The following EFCAB7 variants were observed in gnomAD, a reference collection of about 807,000 sequenced individuals.
EFCAB7 encodes the protein EF-hand calcium binding domain 7.
Under a neutral mutation model 77.1 loss-of-function variants are expected in EFCAB7, and 66 were observed. That is an observed-to-expected ratio of 0.86 (90% CI 0.70 to 1.05). The LOEUF is 1.05. Ranked by LOEUF, EFCAB7 falls within the 50% of genes least tolerant of loss-of-function variation. The probability of loss-of-function intolerance (pLI) is 0.00; values close to 1 mark genes in which losing one functional copy is unlikely to be tolerated. For synonymous variants in EFCAB7, 225 were observed against 243.3 expected, an observed-to-expected ratio of 0.92 and a Z score of 0.70; for missense variants, 638 against 730.5, an observed-to-expected ratio of 0.87 and a Z score of 1.46.
chr1:63,544,706 C>T (rs768684907), intron 6 of EFCAB7, among the ~76,000 whole-genome samples: 85 of 152,116 alleles, frequency 5.6e-4, no homozygotes, highest in Admixed American at 7.9e-4. Flanking sequence ...CCACCGCTCC[C>T]GGCCAGCTGT....
intron 6 of EFCAB7, among the ~76,000 whole-genome samples, chr1:63,537,862 C>G (rs1452531711): frequency 1.3e-5 from 2 of 152,112 alleles, no homozygotes; most frequent in Non-Finnish European, 2.9e-5. Flanking sequence ...TATGGCAGAT[C>G]TACTGCTTAA....
chr1:63,576,850 A>G (rs543307011), downstream of EFCAB7, among the ~76,000 whole-genome samples: 5 of 145,316 alleles, frequency 3.4e-5, no homozygotes, highest in Admixed American at 2.1e-4. Context: ...AAATAAATAA[A>G]TAATAATAAG....
intron 10 of EFCAB7, among the ~76,000 whole-genome samples, chr1:63,560,752 G>T (rs1040014902): frequency 6.6e-6 from 1 of 151,944 alleles, no homozygotes; most frequent in African/African-American, 2.4e-5. Context: ...GAACTCCTGA[G>T]CTCAGGCTAT....
chr1:63,546,375 T>A (rs1166789103), intron 7 of EFCAB7, among the ~76,000 whole-genome samples: 1 of 152,168 alleles, frequency 6.6e-6, no homozygotes, highest in Non-Finnish European at 1.5e-5. Flanking sequence ...CTAACTTTTT[T>A]TTTTTTTGAG....
intron 6 of EFCAB7, among the ~76,000 whole-genome samples, chr1:63,541,417 T>G (rs72679085): frequency 0.02 from 3,011 of 152,312 alleles, 40 homozygotes; most frequent in Middle Eastern, 0.051. Flanking sequence ...CATACATTTT[T>G]GCCTAGAAGT....
chr1:63,523,920 T>A lies in EFCAB7; in HGVS notation c.-2+286T>A, dbSNP rs1478424479. ...CCTTAGGCGCTTGTTAACAGTTTAT[T>A]TTTCTTGCTATTGTGTGGCTGGTTA... On this transcript the variant is annotated intron_variant, in intron 1 of 13. Transcript: ENST00000371088. Among the ~76,000 whole-genome samples, 3 of 152,138 alleles carry A rather than the reference T, an allele frequency of 2.0e-5. No homozygotes were observed. In the South Asian group the frequency reaches 6.2e-4, roughly 32 times the overall value.
At position 63,526,507 on chromosome 1, in the gene EFCAB7, T is replaced by A. The variant is rs186415905; in HGVS notation, c.187+748T>A. ...ACCCTGACATATTTGTGCAGCAGTGTCTTGAGTTTGTATCCAATAAGATCT... is the reference window on the plus strand; with the variant it reads ...ACCCTGACATATTTGTGCAGCAGTGACTTGAGTTTGTATCCAATAAGATCT... On this transcript the variant is annotated intron_variant, in intron 2 of 13. Transcript: ENST00000371088. Among the ~76,000 whole-genome samples the A allele has an allele frequency of 1.1e-4, 17 of 152,340 alleles. No individual in the cohort carries two copies. In the East Asian group the frequency reaches 3.3e-3, roughly 29 times the overall value.
the EFCAB7 span, among the ~76,000 whole-genome samples, chr1:63,583,651 G>A: frequency 6.6e-6 from 1 of 152,082 alleles, no homozygotes; most frequent in African/African-American, 2.4e-5. Context: ...CAACGCTATG[G>A]ATGAGAACCC....
intron 11 of EFCAB7, among the ~76,000 whole-genome samples, chr1:63,567,524 G>T (rs922922496): frequency 9.9e-5 from 15 of 152,150 alleles, no homozygotes; most frequent in Non-Finnish European, 1.5e-4. Flanking sequence ...AGAGAACAGT[G>T]GGGGAGTGAG....
intron 10 of EFCAB7, among the ~76,000 whole-genome samples, chr1:63,560,904 A>G (rs1248192824): frequency 6.6e-6 from 1 of 152,202 alleles, no homozygotes; most frequent in Non-Finnish European, 1.5e-5. Context: ...ATGCACACAA[A>G]AGAGATGCCA....
intron 11 of EFCAB7, among the ~76,000 whole-genome samples, chr1:63,565,872 G>A (rs1407849272): frequency 6.6e-6 from 1 of 152,178 alleles, no homozygotes; most frequent in East Asian, 1.9e-4. Context: ...TGAGATTGTG[G>A]AGAAAAAGGA....
chr1:63,559,661 C>T (rs992466426), intron 10 of EFCAB7, among the ~76,000 whole-genome samples: 17 of 151,958 alleles, frequency 1.1e-4, no homozygotes, highest in African/African-American at 4.1e-4. Flanking sequence ...TGAGTTTCAC[C>T]ATGTTGCCCA....
downstream of EFCAB7, among the ~76,000 whole-genome samples, chr1:63,573,049 C>T (rs780311382): frequency 4.1e-4 from 62 of 152,204 alleles, no homozygotes; most frequent in Admixed American, 7.9e-4. Flanking sequence ...TCGATGTGTA[C>T]GTGCAGGTCA....
At chr1:63,549,626 G>A (rs750061714) in intron 7 of EFCAB7, 10 of 393,024 alleles carry the variant, frequency 2.5e-5, no homozygotes, top group East Asian at 1.5e-4. Flanking sequence ...TAGATATATC[G>A]CTTGCATATC....
At chr1:63,532,176 G>A in intron 3 of EFCAB7, 145 bp downstream of exon 3, 1 of 664,516 alleles carries the variant, frequency 1.5e-6, no homozygotes, top group African/African-American at 1.8e-5. Flanking sequence ...AACGTACTTA[G>A]GAATCCTTCT....
chr1:63,565,084 C>T (rs4915902), intron 11 of EFCAB7, among the ~76,000 whole-genome samples: 27,361 of 152,168 alleles, frequency 0.18, 2,571 homozygotes, highest in Middle Eastern at 0.26. Context: ...TGATGGCTCA[C>T]GCCTGTAATC....
chr1:63,573,564 T>C (rs1647327866), downstream of EFCAB7, among the ~76,000 whole-genome samples: 1 of 152,150 alleles, frequency 6.6e-6, no homozygotes, highest in African/African-American at 2.4e-5. Context: ...ACATCAGCTG[T>C]GATGGCTTGG....
intron 6 of EFCAB7, among the ~76,000 whole-genome samples, chr1:63,540,188 C>T (rs1444225849): frequency 6.6e-6 from 1 of 151,812 alleles, no homozygotes; most frequent in Non-Finnish European, 1.5e-5. Flanking sequence ...CATAGTGAAA[C>T]CCCATCTCTA....
chr1:63,534,018 T>C (rs982635049), intron 5 of EFCAB7, 77 bp from the exon 6 acceptor site: 14 of 1,499,928 alleles, frequency 9.3e-6, no homozygotes, highest in African/African-American at 4.2e-5. Context: ...AGATCTTTTA[T>C]ACTGCACTGT....
Sources: gnomAD v4.1 joint callset for allele counts (sites outside exome capture counted in the v4.1 genomes callset) on GRCh38, gnomAD v4.1.1 for gene constraint, MANE v1.5 for transcripts, NCBI Gene and HGNC (gene_info 2026-07-23, HGNC 2026-07-21) for gene names.